GMDS: variants seen among roughly 807,000 people sequenced by gnomAD.
GMDS encodes GDP-mannose 4,6 dehydratase.
In GMDS, 20 loss-of-function variants were observed where a neutral mutation model predicts 49.9. That is an observed-to-expected ratio of 0.40 (90% confidence interval 0.28 to 0.58). The LOEUF is 0.58. Among genes scored for constraint, GMDS ranks in the 20% least tolerant of loss-of-function variants. The pLI is 0.42. For synonymous variants in GMDS, 177 were observed against 178.6 expected, an observed-to-expected ratio of 0.99 and a Z score of 0.07; for missense variants, 362 against 481.4, an observed-to-expected ratio of 0.75 and a Z score of 2.32.
chr6:1,690,190 A>T (rs1217232501), intron 9 of GMDS, among the ~76,000 whole-genome samples: 1 of 152,212 alleles, frequency 6.6e-6, no homozygotes, highest in East Asian at 1.9e-4. Flanking sequence ...ATTTGTTTTA[A>T]AGAAAACATC....
rs79981322 is a variant in GMDS, at chr6:1,995,288, C to T, written c.346-34322G>A. ...AGAGGGAATGGGAAGACCAGTCTTGCACCACACCTCCAGGTCTACTCCTCT... is the reference window on the plus strand; with the variant it reads ...AGAGGGAATGGGAAGACCAGTCTTGTACCACACCTCCAGGTCTACTCCTCT... On this transcript the variant is annotated intron_variant, in intron 4 of 10. Coordinates refer to ENST00000380815, the MANE Select transcript of GMDS (RefSeq NM_001500.4). 2.5e-3 allele frequency among the ~76,000 whole-genome samples: 386 copies of T among 152,272 alleles called. 2 individuals are homozygous for T. Among genetic ancestry groups the T allele is most frequent in the African/African-American group, 9.0e-3 (376 of 41,560 alleles).
intron 4 of GMDS, among the ~76,000 whole-genome samples, chr6:2,047,924 T>C (rs1770122444): frequency 1.3e-5 from 2 of 152,246 alleles, no homozygotes; most frequent in South Asian, 2.1e-4. Flanking sequence ...CAAAGTTTGA[T>C]AACTAGATTT....
At chr6:2,018,262 T>G (rs1768031432) in intron 4 of GMDS, among the ~76,000 whole-genome samples, 1 of 152,236 alleles carries the variant, frequency 6.6e-6, no homozygotes, top group Non-Finnish European at 1.5e-5. Context: ...AAATCGTATC[T>G]AAACATACAT....
intron 7 of GMDS, among the ~76,000 whole-genome samples, chr6:1,929,722 A>T (rs1159599069): frequency 6.6e-6 from 1 of 152,228 alleles, no homozygotes; most frequent in Non-Finnish European, 1.5e-5. Context: ...AAGTCCAAGA[A>T]TCTTGAATTA....
At chr6:2,186,737 C>G (rs1778795339) in intron 1 of GMDS, among the ~76,000 whole-genome samples, 4 of 152,210 alleles carry the variant, frequency 2.6e-5, no homozygotes, top group African/African-American at 9.7e-5. Context: ...TTAGGAGGAT[C>G]TGACTAATCA....
At chr6:1,629,446 C>T (rs531563989) in intron 9 of GMDS, among the ~76,000 whole-genome samples, 17 of 152,088 alleles carry the variant, frequency 1.1e-4, no homozygotes, top group East Asian at 7.7e-4. Flanking sequence ...TGGGACTGTC[C>T]GTAGGCAGAG....
chr6:2,048,324 T>C (rs975873166), intron 4 of GMDS, among the ~76,000 whole-genome samples: 11 of 152,248 alleles, frequency 7.2e-5, no homozygotes, highest in African/African-American at 2.2e-4. Context: ...ATGGCCAGCA[T>C]CAATTATTAA....
At position 1,833,006 on chromosome 6, in the gene GMDS, C is replaced by T. The variant is rs1338927398; in HGVS notation, c.772-90420G>A. ...CGGCTACTGAAGATCATTAGTAGCA[C>T]TGAGTGCAACCACTGTCAGTTTTGT... is the stretch of plus-strand genomic sequence containing the variant. On this transcript the variant is annotated intron_variant, in intron 7 of 10. Coordinates refer to ENST00000380815, the MANE Select transcript of GMDS (RefSeq NM_001500.4). This position sits in a 1 kb window ranked among gnomAD's most constrained non-coding sequence, Gnocchi z 4.4. Among the ~76,000 whole-genome samples, 3 of 152,088 alleles carry T rather than the reference C, an allele frequency of 2.0e-5. No individual in the cohort carries two copies. The highest frequency in any genetic ancestry group is 7.2e-5 in the African/African-American group (3 of 41,404).
At chr6:2,041,576 C>T (rs1422561448) in intron 4 of GMDS, among the ~76,000 whole-genome samples, 1 of 152,146 alleles carries the variant, frequency 6.6e-6, no homozygotes, top group Non-Finnish European at 1.5e-5. Flanking sequence ...AGACAGCTGA[C>T]CTAATCCCTG....
intron 7 of GMDS, among the ~76,000 whole-genome samples, chr6:1,907,000 G>C (rs1760810179): frequency 6.6e-6 from 1 of 152,162 alleles, no homozygotes; most frequent in African/African-American, 2.4e-5. Flanking sequence ...AGACCATGGA[G>C]GGTGAGAACT....
intron 7 of GMDS, among the ~76,000 whole-genome samples, chr6:1,799,543 G>A (rs1328339648): frequency 6.6e-6 from 1 of 152,178 alleles, no homozygotes; most frequent in Non-Finnish European, 1.5e-5. Flanking sequence ...GAAAGAAGAC[G>A]AGAAAATAGG....
chr6:1,757,411 G>A (rs1767989324), intron 7 of GMDS, among the ~76,000 whole-genome samples: 1 of 152,168 alleles, frequency 6.6e-6, no homozygotes, highest in South Asian at 2.1e-4. Context: ...AGCCATTCTA[G>A]AATTAGTTCC....
chr6:1,838,860 G>C (rs946079090), intron 7 of GMDS, among the ~76,000 whole-genome samples: 2 of 152,144 alleles, frequency 1.3e-5, no homozygotes, highest in Non-Finnish European at 2.9e-5. Flanking sequence ...TGTTTGCTTA[G>C]TGCTCATAAG....
At chr6:2,058,212 G>T (rs1770890643) in intron 4 of GMDS, among the ~76,000 whole-genome samples, 1 of 151,958 alleles carries the variant, frequency 6.6e-6, no homozygotes, top group Admixed American at 6.6e-5. Context: ...ACAAAAATCA[G>T]CCAGGCGTGG....
intron 4 of GMDS, among the ~76,000 whole-genome samples, chr6:1,982,547 T>C (rs1033095991): frequency 5.3e-5 from 8 of 151,824 alleles, no homozygotes; most frequent in Admixed American, 1.3e-4. Context: ...TCAGGATCAC[T>C]GTGCAAAAAC....
intron 1 of GMDS, among the ~76,000 whole-genome samples, chr6:2,167,981 C>G (rs769810764): frequency 2.2e-4 from 33 of 152,154 alleles, no homozygotes; most frequent in Non-Finnish European, 2.2e-4. Context: ...TTCATTGAAG[C>G]ATTTATTATG....
intron 7 of GMDS, among the ~76,000 whole-genome samples, chr6:1,907,417 A>C (rs949443180): frequency 3.3e-5 from 5 of 152,216 alleles, no homozygotes; most frequent in African/African-American, 1.2e-4. Flanking sequence ...GAATAAAAGC[A>C]ACTTTCTAAA....
At chr6:1,646,914 G>T (rs969951754) in intron 9 of GMDS, among the ~76,000 whole-genome samples, 1 of 152,166 alleles carries the variant, frequency 6.6e-6, no homozygotes, top group South Asian at 2.1e-4. Context: ...CAAAAGCCAG[G>T]TCAGAGGGGG....
chr6:1,693,262 A>G (rs1223970832), intron 9 of GMDS, among the ~76,000 whole-genome samples: 1 of 152,122 alleles, frequency 6.6e-6, no homozygotes, highest in Non-Finnish European at 1.5e-5. Flanking sequence ...AGCCTTAGGT[A>G]GTTTCCTCCT....
Sources: gnomAD v4.1 joint callset for allele counts (sites outside exome capture counted in the v4.1 genomes callset) on GRCh38, gnomAD v4.1.1 for gene constraint, Gnocchi (gnomAD v3.1) non-coding constraint, MANE v1.5 for transcripts, NCBI Gene and HGNC (gene_info 2026-07-23, HGNC 2026-07-21) for gene names.